The following ENAH variants were observed in gnomAD, a reference collection of about 807,000 sequenced individuals.
The protein encoded by ENAH is protein enabled homolog.
ENAH carries 23 observed loss-of-function variants against 78.7 expected under a neutral mutation model. The observed-to-expected ratio is 0.29, with a 90% CI of 0.21 to 0.41. The LOEUF (loss-of-function observed/expected upper bound fraction) is 0.41, where lower values mean the gene tolerates loss of function less well. ENAH is among the 10% of genes least tolerant of loss of function. The pLI is 1.00. For missense variants in ENAH, 544 were observed against 691.0 expected, an observed-to-expected ratio of 0.79 and a Z score of 2.39; for synonymous variants, 226 against 241.0, an observed-to-expected ratio of 0.94 and a Z score of 0.58.
chr1:225,532,548 A>G (rs2096543118), intron 3 of ENAH, among the ~76,000 whole-genome samples: 1 of 152,106 alleles, frequency 6.6e-6, no homozygotes, highest in African/African-American at 2.4e-5. Context: ...TAAATTTGCC[A>G]ATTAAAATCT....
intron 3 of ENAH, among the ~76,000 whole-genome samples, chr1:225,548,180 C>G (rs1360739938): frequency 2.0e-5 from 3 of 149,036 alleles, no homozygotes; most frequent in African/African-American, 7.4e-5. Context: ...TTTTTTTCCT[C>G]TAAGTTAATC....
At chr1:225,620,254 G>A (rs1175706906) in intron 1 of ENAH, among the ~76,000 whole-genome samples, 2 of 151,838 alleles carry the variant, frequency 1.3e-5, no homozygotes, top group East Asian at 1.9e-4. Flanking sequence ...CAGGCCTCGC[G>A]CGGTGGTTCA....
chr1:225,520,995 G>C, intron 4 of ENAH, among the ~76,000 whole-genome samples: 1 of 148,436 alleles, frequency 6.7e-6, no homozygotes, highest in Non-Finnish European at 1.5e-5. Context: ...TAGTAAAACT[G>C]AGGATATCTG....
chr1:225,536,993 AT>A (rs1169113530), intron 3 of ENAH, among the ~76,000 whole-genome samples: 1 of 152,156 alleles, frequency 6.6e-6, no homozygotes, highest in Non-Finnish European at 1.5e-5. Flanking sequence ...ATTTTCAATA[AT>A]TATAAGTTTA....
intron 1 of ENAH, among the ~76,000 whole-genome samples, chr1:225,642,816 C>G (rs1454705066): frequency 6.6e-6 from 1 of 152,118 alleles, no homozygotes; most frequent in African/African-American, 2.4e-5. Flanking sequence ...GACATCCACA[C>G]AAAAATAAAG....
chr1:225,587,547 G>A (rs2096853566), intron 1 of ENAH, among the ~76,000 whole-genome samples: 1 of 152,142 alleles, frequency 6.6e-6, no homozygotes, highest in Non-Finnish European at 1.5e-5. Flanking sequence ...TGGATTGGAA[G>A]CCTCAATATT....
intron 1 of ENAH, among the ~76,000 whole-genome samples, chr1:225,598,179 G>T (rs1004523113): frequency 7.2e-5 from 11 of 151,860 alleles, no homozygotes; most frequent in African/African-American, 2.7e-4. Context: ...CTTACAAGAG[G>T]ATTCCTATCC....
At chr1:225,652,607 G>A (rs1663240641) in intron 1 of ENAH, 79 bp downstream of exon 1, 3 of 1,225,494 alleles carry the variant, frequency 2.4e-6, no homozygotes, top group African/African-American at 3.1e-5. Context: ...GGAGAGGGAA[G>A]GCGGGGTCCG....
chr1:225,628,946 T>C (rs1485249734), intron 1 of ENAH, among the ~76,000 whole-genome samples: 1 of 148,182 alleles, frequency 6.7e-6, no homozygotes, highest in Admixed American at 6.8e-5. Flanking sequence ...TGAACAGATA[T>C]GAAAAGCAAA....
intron 1 of ENAH, among the ~76,000 whole-genome samples, chr1:225,650,500 C>CT (rs1336059965): frequency 6.6e-6 from 1 of 152,068 alleles, no homozygotes; most frequent in Non-Finnish European, 1.5e-5. Flanking sequence ...AAAACGGTAA[C>CT]TTTTTTTTAG....
Position 225,648,638 on chromosome 1 carries a change from T to A in ENAH, c.5+4048A>T, listed in dbSNP as rs575913462. On this transcript the variant is annotated intron_variant, in intron 1 of 13. Transcript: ENST00000366843. ...TAAACCTCTGTGGGAAAGTCACACA[T>A]CCAACAGCTACGAGTATAAATGAAG... 2.0e-5 allele frequency among the ~76,000 whole-genome samples: 3 copies of A among 152,158 alleles called. No individual in the cohort carries two copies. The East Asian group carries it at 5.8e-4, about 29-fold the overall frequency.
At chr1:225,632,888 G>T (rs935840782) in intron 1 of ENAH, among the ~76,000 whole-genome samples, 3 of 152,154 alleles carry the variant, frequency 2.0e-5, no homozygotes, top group African/African-American at 7.2e-5. Flanking sequence ...AGACAAAGCT[G>T]GGTTCAGGTC....
chr1:225,580,014 T>C (rs955330187), intron 1 of ENAH, among the ~76,000 whole-genome samples: 6 of 152,152 alleles, frequency 3.9e-5, no homozygotes, highest in Admixed American at 6.5e-5. Context: ...CTCACCCTAC[T>C]GTGTGATTCT....
At chr1:225,651,936 C>A (rs1663094390) in intron 1 of ENAH, among the ~76,000 whole-genome samples, 1 of 152,114 alleles carries the variant, frequency 6.6e-6, no homozygotes, top group South Asian at 2.1e-4. Flanking sequence ...TTCTTCGGGG[C>A]CGCAAAAATA....
At position 225,496,740 on chromosome 1, in the gene ENAH, T is replaced by G. The variant is rs1462719450; in HGVS notation, c.*1035A>C. ...CAAAATATTTCTCATTATTTATTCATGCAGGTAACTGAGAAAAAGATAGTG... is the reference window on the plus strand; with the variant it reads ...CAAAATATTTCTCATTATTTATTCAGGCAGGTAACTGAGAAAAAGATAGTG... On this transcript the variant is annotated 3_prime_UTR_variant, in exon 14 of 14. Coordinates refer to ENST00000366843, the MANE Select transcript of ENAH (RefSeq NM_018212.6). 1 of 152,670 alleles carries G rather than the reference T, an allele frequency of 6.6e-6. No individual in the cohort carries two copies. The highest frequency in any genetic ancestry group is 2.4e-5 in the African/African-American group (1 of 41,462). 9.5% of individuals were successfully genotyped at this position (152,670 alleles called of 1,614,324 possible).
intron 1 of ENAH, among the ~76,000 whole-genome samples, chr1:225,641,152 C>T (rs531706353): frequency 3.3e-5 from 5 of 151,548 alleles, no homozygotes; most frequent in South Asian, 2.1e-4. Flanking sequence ...CATGAGCCAC[C>T]GCGCCCGGCC....
At chr1:225,633,742 T>C (rs565065204) in intron 1 of ENAH, among the ~76,000 whole-genome samples, 4 of 152,282 alleles carry the variant, frequency 2.6e-5, no homozygotes, top group Admixed American at 2.6e-4. Context: ...ACAAATAATA[T>C]CTATTAATAT....
At chr1:225,548,671 C>G (rs1031512743) in intron 3 of ENAH, among the ~76,000 whole-genome samples, 2 of 152,180 alleles carry the variant, frequency 1.3e-5, no homozygotes, top group Non-Finnish European at 2.9e-5. Context: ...GTCAACCTTT[C>G]TAATTGGAAA....
chr1:225,604,452 G>T (rs1463741719), intron 1 of ENAH, among the ~76,000 whole-genome samples: 1 of 151,978 alleles, frequency 6.6e-6, no homozygotes, highest in Non-Finnish European at 1.5e-5. Context: ...GACTACTATT[G>T]TGTGCCTTAT....
Sources: gnomAD v4.1 joint callset for allele counts (sites outside exome capture counted in the v4.1 genomes callset) on GRCh38, gnomAD v4.1.1 for gene constraint, MANE v1.5 for transcripts, NCBI Gene and HGNC (gene_info 2026-07-23, HGNC 2026-07-21) for gene names.